RBFOX1: variants seen among roughly 807,000 people sequenced by gnomAD.
RBFOX1 encodes the protein RNA binding fox-1 homolog 1.
A neutral mutation model predicts 57.7 loss-of-function variants in RBFOX1; 8 were observed. The observed-to-expected ratio is 0.14, with a 90% CI of 0.08 to 0.25. The LOEUF (loss-of-function observed/expected upper bound fraction) is 0.25. RBFOX1 is among the 10% of genes least tolerant of loss of function. The probability of loss-of-function intolerance (pLI) is 1.00; values close to 1 mark genes in which losing one functional copy is unlikely to be tolerated. For synonymous variants in RBFOX1, 326 were observed against 222.4 expected (o/e 1.47, Z -4.15); for missense variants, 611 against 548.5 (o/e 1.11, Z -1.14).
intron 2 of RBFOX1, among the ~76,000 whole-genome samples, chr16:6,351,586 G>C (rs7202960): frequency 0.074 from 11,272 of 151,576 alleles, 1,329 homozygotes; most frequent in African/African-American, 0.25. Flanking sequence ...TTTGGCCAGG[G>C]TGGTCTCGAA....
Position 7,108,317 on chromosome 16 carries a change from C to T in RBFOX1, c.27+56219C>T, listed in dbSNP as rs141438763. ...CAATCTCCCCATTAACAAACAAGAACTTCTTTCTATTTTATTTCAGTACAG... is the reference window on the plus strand; with the variant it reads ...CAATCTCCCCATTAACAAACAAGAATTTCTTTCTATTTTATTTCAGTACAG... On this transcript the variant is annotated intron_variant, in intron 4 of 15. Transcript: ENST00000550418. 2.4e-3 allele frequency among the ~76,000 whole-genome samples: 349 copies of T among 147,812 alleles called. 4 individuals carry two copies. Among genetic ancestry groups the T allele is most frequent in the Middle Eastern group, 0.017 (5 of 290 alleles).
chr16:5,849,827 C>T (rs1008983313), intron 3 of RBFOX1, among the ~76,000 whole-genome samples: 1 of 152,130 alleles, frequency 6.6e-6, no homozygotes, highest in Non-Finnish European at 1.5e-5. Context: ...CATTTGTTCC[C>T]AAGAAGTATT....
chr16:5,935,182 C>G (rs116995270), intron 4 of RBFOX1, among the ~76,000 whole-genome samples: 4,484 of 152,284 alleles, frequency 0.029, 121 homozygotes, highest in South Asian at 0.069. Flanking sequence ...TCCCACTACC[C>G]TGACCAATCC....
chr16:5,566,133 C>G (rs1179159105), intron 2 of RBFOX1, among the ~76,000 whole-genome samples: 1 of 151,964 alleles, frequency 6.6e-6, no homozygotes, highest in South Asian at 2.1e-4. Flanking sequence ...ACCTTTTTTT[C>G]TTTATAATTT....
At chr16:6,990,978 G>A (rs2091328498) in intron 3 of RBFOX1, among the ~76,000 whole-genome samples, 1 of 152,074 alleles carries the variant, frequency 6.6e-6, no homozygotes, top group East Asian at 1.9e-4. Context: ...AAAGCTCTGT[G>A]TCCAGATATT....
At chr16:6,936,131 C>T (rs904491124) in intron 3 of RBFOX1, among the ~76,000 whole-genome samples, 2 of 152,164 alleles carry the variant, frequency 1.3e-5, no homozygotes, top group African/African-American at 2.4e-5. Context: ...AGCTTCTGTA[C>T]ACTTGATGGA....
chr16:5,374,475 A>G (rs1014650143), intron 1 of RBFOX1, among the ~76,000 whole-genome samples: 3 of 152,210 alleles, frequency 2.0e-5, no homozygotes, highest in African/African-American at 7.2e-5. Context: ...AGACATAAGA[A>G]CAGAAAAGGA....
chr16:7,146,355 A>T (rs574610831), intron 4 of RBFOX1, among the ~76,000 whole-genome samples: 2 of 152,310 alleles, frequency 1.3e-5, no homozygotes, highest in African/African-American at 4.8e-5. Flanking sequence ...GGTCTTTCCT[A>T]TGCAAGGGCA....
At position 7,517,854 on chromosome 16, in the gene RBFOX1, C is replaced by T. The variant is rs1222536778; in HGVS notation, c.28-293C>T. 3.3e-5 allele frequency among the ~76,000 whole-genome samples: 5 copies of T among 151,682 alleles called. No homozygotes were observed. The East Asian group carries it at 9.7e-4, about 29-fold the overall frequency. The stretch of plus-strand genomic sequence containing the variant: ...AAAAAAAAAATCAATCTAGTAAAGC[C>T]ACAGACCCTCATGTCTTTGAATATT... On this transcript the variant is annotated intron_variant, in intron 4 of 15. Coordinates refer to ENST00000550418, the MANE Select transcript of RBFOX1 (RefSeq NM_018723.4).
At chr16:6,011,514 T>G (rs1209448151) in intron 4 of RBFOX1, among the ~76,000 whole-genome samples, 1 of 152,218 alleles carries the variant, frequency 6.6e-6, no homozygotes, top group Non-Finnish European at 1.5e-5. Context: ...GAGCCTCAGT[T>G]TTCCTTATCT....
intron 3 of RBFOX1, among the ~76,000 whole-genome samples, chr16:6,838,518 G>C (rs1603630775): frequency 6.6e-6 from 1 of 152,118 alleles, no homozygotes. Context: ...GGGTATAAAT[G>C]CAACTGCAAA....
chr16:6,082,340 C>T (rs955166377), intron 1 of RBFOX1, among the ~76,000 whole-genome samples: 2 of 123,738 alleles, frequency 1.6e-5, no homozygotes. Flanking sequence ...GTCACCACAC[C>T]TGGCTAATTT....
intron 1 of RBFOX1, among the ~76,000 whole-genome samples, chr16:6,294,843 G>C (rs936120912): frequency 2.0e-5 from 3 of 152,190 alleles, no homozygotes; most frequent in Non-Finnish European, 4.4e-5. Context: ...TAGGAGGAAT[G>C]TGCTGTGGTG....
intron 1 of RBFOX1, among the ~76,000 whole-genome samples, chr16:6,164,256 G>A (rs1200066775): frequency 6.6e-6 from 1 of 152,092 alleles, no homozygotes; most frequent in East Asian, 1.9e-4. Context: ...TGAATTATAT[G>A]TAATGTCAAT....
At chr16:7,552,631 A>G (rs1029426678) in intron 5 of RBFOX1, among the ~76,000 whole-genome samples, 2 of 152,194 alleles carry the variant, frequency 1.3e-5, no homozygotes, top group Admixed American at 6.5e-5. Flanking sequence ...ATTTATGTCT[A>G]AAGCATTTCC....
chr16:6,689,816 T>G (rs2059953665), intron 3 of RBFOX1, among the ~76,000 whole-genome samples: 1 of 152,192 alleles, frequency 6.6e-6, no homozygotes, highest in African/African-American at 2.4e-5. Context: ...TGCACAGACT[T>G]CTTGAGCGAG....
rs577225872 is a variant in RBFOX1 at position 6,942,174 on chromosome 16, G to C, written c.-15-109883G>C. ...GAATTGCTTGAACTTGGGAGATGGA[G>C]GTTGCAGTGAGCCAAGATGGCACCA... On this transcript the variant is annotated intron_variant, in intron 3 of 15. Coordinates refer to ENST00000550418, the MANE Select transcript of RBFOX1 (RefSeq NM_018723.4). Among the ~76,000 whole-genome samples the C allele has an allele frequency of 1.2e-3, 176 of 152,280 alleles. 8 individuals are homozygous for C. In the South Asian group the frequency reaches 0.036, roughly 31 times the overall value.
chr16:6,794,028 C>T (rs192555478), intron 3 of RBFOX1, among the ~76,000 whole-genome samples: 12 of 152,138 alleles, frequency 7.9e-5, no homozygotes, highest in East Asian at 3.9e-4. Context: ...TAATGAAGCA[C>T]GCTAGGGAAT....
intron 1 of RBFOX1, among the ~76,000 whole-genome samples, chr16:5,443,241 A>T (rs2068139381): frequency 6.6e-6 from 1 of 152,172 alleles, no homozygotes; most frequent in Non-Finnish European, 1.5e-5. Flanking sequence ...AACCCAACCT[A>T]ATGCTTAGGG....
Sources: gnomAD v4.1 joint callset for allele counts (sites outside exome capture counted in the v4.1 genomes callset) on GRCh38, gnomAD v4.1.1 for gene constraint, MANE v1.5 for transcripts, NCBI Gene and HGNC (gene_info 2026-07-23, HGNC 2026-07-21) for gene names.